Variants in CD226 observed in about 807,000 individuals in gnomAD.
CD226 encodes the protein CD226 molecule.
Under a neutral mutation model 34.9 loss-of-function variants are expected in CD226, and 24 were observed. The ratio of observed to expected loss-of-function variants is 0.69; its 90% confidence interval spans 0.50 to 0.97. The LOEUF (loss-of-function observed/expected upper bound fraction) is 0.97, where lower values mean the gene tolerates loss of function less well. CD226 is among the 50% of genes least tolerant of loss of function. CD226 has a pLI of 0.00. For missense variants in CD226, 397 were observed against 412.7 expected, an observed-to-expected ratio of 0.96 and a Z score of 0.33; for synonymous variants, 148 against 147.4, an observed-to-expected ratio of 1.00 and a Z score of -0.03.
chr18:69,949,832 G>T (rs369203625), upstream of CD226, among the ~76,000 whole-genome samples: 989 of 147,756 alleles, frequency 6.7e-3, 10 homozygotes, highest in African/African-American at 0.024. Flanking sequence ...TCACATCCAC[G>T]CACACTCACA....
chr18:69,867,531 GC>G, intron 4 of CD226, 120 bp from the exon 5 acceptor site: 1 of 626,844 alleles, frequency 1.6e-6, no homozygotes, highest in Non-Finnish European at 2.8e-6. Context: ...TGTTGAAGTA[GC>G]TTTATGCACA....
intron 3 of CD226, among the ~76,000 whole-genome samples, chr18:69,880,357 A>AAAGAAAGG (rs1568165014): frequency 1.1e-4 from 10 of 89,652 alleles, no homozygotes; most frequent in African/African-American, 2.6e-4. Flanking sequence ...AGAAAGAAAG[A>AAAGAAAGG]AAGGAAGGAA....
At chr18:69,951,550 T>C (rs1245147995), upstream of CD226, among the ~76,000 whole-genome samples, 1 of 152,154 alleles carries the variant, frequency 6.6e-6, no homozygotes, top group Non-Finnish European at 1.5e-5. Flanking sequence ...GGGGCTCAGA[T>C]GGCATTACTG....
intron 2 of CD226, among the ~76,000 whole-genome samples, chr18:69,913,141 T>C (rs1247515176): frequency 1.3e-5 from 2 of 152,176 alleles, no homozygotes; most frequent in African/African-American, 2.4e-5. Context: ...TGCGCCGTCA[T>C]ACCTGCCAGC....
intron 2 of CD226, among the ~76,000 whole-genome samples, chr18:69,930,866 A>G (rs1048426759): frequency 1.3e-5 from 2 of 152,218 alleles, no homozygotes; most frequent in Admixed American, 1.3e-4. Flanking sequence ...AGGTCCCTTC[A>G]TGTTAGACTT....
intron 3 of CD226, among the ~76,000 whole-genome samples, chr18:69,876,585 T>C (rs1983875141): frequency 6.6e-6 from 1 of 152,192 alleles, no homozygotes; most frequent in Non-Finnish European, 1.5e-5. Flanking sequence ...TTGACACCTG[T>C]GTAGAAAAAA....
At chr18:69,961,413 C>T (rs1450074201), upstream of CD226, among the ~76,000 whole-genome samples, 3 of 152,160 alleles carry the variant, frequency 2.0e-5, no homozygotes, top group Admixed American at 6.5e-5. Flanking sequence ...ATTCATGAGG[C>T]ACTTATTGAC....
rs1442837155 is a variant in CD226 at position 69,919,802 on chromosome 18, T to C, written c.383-23757A>G. Among the ~76,000 whole-genome samples, 4 of 151,894 alleles carry C rather than the reference T, an allele frequency of 2.6e-5. 1 individual carries two copies. Among genetic ancestry groups the C allele is most frequent in the Non-Finnish European group, 5.9e-5 (4 of 67,960 alleles). ...CCGAATGAGGATTTTTTAAATGAAGTTATTTCAAAAAAGAGTCGGTTACTA... is the reference window on the plus strand; with the variant it reads ...CCGAATGAGGATTTTTTAAATGAAGCTATTTCAAAAAAGAGTCGGTTACTA... On this transcript the variant is annotated intron_variant, in intron 2 of 5. Transcript: ENST00000582621.
At chr18:69,880,547 G>A (rs777999791) in intron 3 of CD226, among the ~76,000 whole-genome samples, 4 of 152,068 alleles carry the variant, frequency 2.6e-5, no homozygotes, top group Non-Finnish European at 5.9e-5. Context: ...AAAGTAGAAT[G>A]ATGGTTACCA....
At chr18:69,950,722 T>C (rs941328340), upstream of CD226, among the ~76,000 whole-genome samples, 12 of 152,110 alleles carry the variant, frequency 7.9e-5, no homozygotes, top group African/African-American at 2.9e-4. Flanking sequence ...AACAGAAAGA[T>C]GTAGAGATGA....
chr18:69,956,308 T>C (rs918831560), intron 1 of CD226, among the ~76,000 whole-genome samples: 1 of 152,232 alleles, frequency 6.6e-6, no homozygotes, highest in African/African-American at 2.4e-5. Context: ...ATATTAACTA[T>C]CTGGCCCTTT....
intron 2 of CD226, among the ~76,000 whole-genome samples, chr18:69,907,553 G>A (rs1299477884): frequency 3.3e-5 from 5 of 152,202 alleles, no homozygotes; most frequent in East Asian, 3.9e-4. Flanking sequence ...CAAGTGGTCC[G>A]CCCACCTCGG....
chr18:69,961,647 C>A (rs2055930154), upstream of CD226: 1 of 152,256 alleles, frequency 6.6e-6, no homozygotes, highest in African/African-American at 2.4e-5. Flanking sequence ...CCCTTGGCCA[C>A]TGTTCTTTTC....
At chr18:69,950,046 T>C (rs149110315), upstream of CD226, among the ~76,000 whole-genome samples, 558 of 151,228 alleles carry the variant, frequency 3.7e-3, 3 homozygotes, top group African/African-American at 0.012. Context: ...ACACATACTC[T>C]CAAACACGTA....
rs543536429 is a variant in CD226 at position 69,862,625 on chromosome 18, C to T, written c.*1689G>A. Reference sequence around the variant, plus strand: ...CCTGAAAAGGGTTAAAAGAAACTCACAAATTTTATAATTCACAGAAATGTG... The same window carrying T: ...CCTGAAAAGGGTTAAAAGAAACTCATAAATTTTATAATTCACAGAAATGTG... On this transcript the variant is annotated 3_prime_UTR_variant, in exon 6 of 6. Transcript: ENST00000582621. 5 of 152,136 alleles carry T rather than the reference C, an allele frequency of 3.3e-5. No individual in the cohort carries two copies. The East Asian group carries it at 9.7e-4, about 29-fold the overall frequency. The allele number at this position is 152,136 out of a possible 1,614,324, so 9.4% of individuals were successfully genotyped here.
chr18:69,927,240 A>C, intron 2 of CD226, among the ~76,000 whole-genome samples: 1 of 152,170 alleles, frequency 6.6e-6, no homozygotes, highest in East Asian at 1.9e-4. Flanking sequence ...ACTAGACAGT[A>C]AATTTGCTCG....
intron 2 of CD226, among the ~76,000 whole-genome samples, chr18:69,928,859 T>A (rs1309305263): frequency 6.6e-6 from 1 of 152,046 alleles, no homozygotes; most frequent in African/African-American, 2.4e-5. Context: ...ATATCTACAA[T>A]TCAGAAATGC....
chr18:69,937,716 G>A (rs1445310702), intron 2 of CD226, among the ~76,000 whole-genome samples: 1 of 152,096 alleles, frequency 6.6e-6, no homozygotes, highest in Non-Finnish European at 1.5e-5. Context: ...AGCCAGATTT[G>A]AGACACTTCC....
chr18:69,870,082 G>A (rs1380382005), intron 4 of CD226, among the ~76,000 whole-genome samples: 6 of 151,738 alleles, frequency 4.0e-5, no homozygotes, highest in Non-Finnish European at 8.8e-5. Context: ...GATTACAGGC[G>A]TGAGCCATCG....
Sources: gnomAD v4.1 joint callset for allele counts (sites outside exome capture counted in the v4.1 genomes callset) on GRCh38, gnomAD v4.1.1 for gene constraint, MANE v1.5 for transcripts, NCBI Gene and HGNC (gene_info 2026-07-23, HGNC 2026-07-21) for gene names.